The following PCDHGB2 variants were observed in gnomAD, a reference collection of about 807,000 sequenced individuals.
PCDHGB2 encodes protocadherin gamma-B2.
In PCDHGB2, 55 loss-of-function variants were observed where a neutral mutation model predicts 59.3. The observed-to-expected ratio is 0.93, with a 90% confidence interval of 0.75 to 1.16. The LOEUF is 1.16. Ranked by LOEUF, PCDHGB2 falls within the 50% of genes most tolerant of loss-of-function variation. The probability of loss-of-function intolerance (pLI) is 0.00; values close to 1 mark genes in which losing one functional copy is unlikely to be tolerated. For missense variants in PCDHGB2, 1,228 were observed against 1,198.5 expected (o/e 1.02, Z -0.36); for synonymous variants, 516 against 512.0 (o/e 1.01, Z -0.11).
chr5:141,448,851 A>T (rs1374003271), intron 1 of PCDHGB2, among the ~76,000 whole-genome samples: 1 of 152,124 alleles, frequency 6.6e-6, no homozygotes, highest in Admixed American at 6.5e-5. Context: ...AGGCTGAGGC[A>T]GGAGAATGGC....
At chr5:141,461,009 A>T (rs1407993113) in intron 1 of PCDHGB2, among the ~76,000 whole-genome samples, 1 of 151,542 alleles carries the variant, frequency 6.6e-6, no homozygotes, top group Admixed American at 6.6e-5. Flanking sequence ...GTATATATAT[A>T]TACCACATTT....
chr5:141,450,832 T>A (rs192186566), intron 1 of PCDHGB2, among the ~76,000 whole-genome samples: 5,292 of 142,276 alleles, frequency 0.037, 115 homozygotes, highest in Middle Eastern at 0.096. Flanking sequence ...TATTATTATT[T>A]TTTTTTTTTT....
At position 141,491,733 on chromosome 5, in the gene PCDHGB2, TGGGGGCGGCAC is replaced by T; in HGVS notation, c.2422-3073_2422-3063del. 1.9e-6 allele frequency: 3 copies of T among 1,602,698 alleles called. No individual in the cohort carries two copies. The highest frequency in any genetic ancestry group is 2.6e-6 in the Non-Finnish European group (3 of 1,175,258). On this transcript the variant is annotated intron_variant, in intron 1 of 3. Coordinates refer to ENST00000522605, the MANE Select transcript of PCDHGB2 (RefSeq NM_018923.3). The surrounding 1 kb of genome is among the most constrained non-coding windows in gnomAD (Gnocchi z 6.9). ...GCTCGGCGCCGCCCCGGGCGACCCC[TGGGGGCGGCAC>T]TGGAGAAGCCGCCCGTCCTCATAAG...
At chr5:141,448,990 T>C (rs1419678645) in intron 1 of PCDHGB2, among the ~76,000 whole-genome samples, 1 of 152,070 alleles carries the variant, frequency 6.6e-6, no homozygotes, top group Non-Finnish European at 1.5e-5. Flanking sequence ...TATTAATATA[T>C]AGAAAGCTGT....
At chr5:141,468,194 G>A (rs959390749) in intron 1 of PCDHGB2, among the ~76,000 whole-genome samples, 21 of 151,716 alleles carry the variant, frequency 1.4e-4, no homozygotes, top group South Asian at 2.1e-4. Flanking sequence ...GCATGGTGGC[G>A]GGTGCCTGTA....
At position 141,476,114 on chromosome 5, in the gene PCDHGB2, G is replaced by C; in HGVS notation, c.2422-18693G>C. 3.8e-6 allele frequency: 6 copies of C among 1,592,296 alleles called. No homozygotes were observed. Among genetic ancestry groups the C allele is most frequent in the Non-Finnish European group, 5.1e-6 (6 of 1,171,536 alleles). On this transcript the variant is annotated intron_variant, in intron 1 of 3. Coordinates refer to ENST00000522605, the MANE Select transcript of PCDHGB2 (RefSeq NM_018923.3). This position sits in a 1 kb window ranked among gnomAD's most constrained non-coding sequence, Gnocchi z 7.6. Reference sequence around the variant, plus strand: ...CCGCTGAGAGGAACTGCTTTTGAGTGAGATGGTCCCAGAGGCCTGGAGGAG... The same window carrying C: ...CCGCTGAGAGGAACTGCTTTTGAGTCAGATGGTCCCAGAGGCCTGGAGGAG...
At position 141,389,178 on chromosome 5, in the gene PCDHGB2, T is replaced by G. The variant is rs1280956707; in HGVS notation, c.2421+26622T>G. 2 of 1,613,974 alleles carry G rather than the reference T, an allele frequency of 1.2e-6. No individual in the cohort carries two copies. The highest frequency in any genetic ancestry group is 1.7e-6 in the Non-Finnish European group (2 of 1,179,890). ...AGATCGGGGCAAGCCTCCCCTCTCC[T>G]CCAGTTCCAGCATCACCCTGCACAT... On this transcript the variant is annotated intron_variant, in intron 1 of 3. Coordinates refer to ENST00000522605, the MANE Select transcript of PCDHGB2 (RefSeq NM_018923.3).
In PCDHGB2 at chr5:141,373,263, A is replaced by G. The variant is rs559475060; in HGVS notation, c.2421+10707A>G. Among the ~76,000 whole-genome samples, 7 of 152,368 alleles carry G rather than the reference A, an allele frequency of 4.6e-5. No homozygotes were observed. In the East Asian group the frequency reaches 1.2e-3, roughly 25 times the overall value. On this transcript the variant is annotated intron_variant, in intron 1 of 3. Coordinates refer to ENST00000522605, the MANE Select transcript of PCDHGB2 (RefSeq NM_018923.3). ...CTTCCCTTTGCATGTTTTTAAAAGT[A>G]TACACAGATGTTGCCTATGTCAGGG...
intron 1 of PCDHGB2, among the ~76,000 whole-genome samples, chr5:141,483,778 G>T (rs1012545478): frequency 1.6e-4 from 24 of 152,222 alleles, no homozygotes; most frequent in African/African-American, 5.8e-4. Context: ...ATTGGGGAAG[G>T]ATAAGAACTC....
chr5:141,360,926 T>G lies in PCDHGB2; in HGVS notation c.791T>G (p.Val264Gly), dbSNP rs1187113113. Residue 264 changes from valine to glycine, a missense_variant, in exon 1 of 4, where the codon GTG (valine) becomes GGG (glycine). Coordinates refer to ENST00000522605, the MANE Select transcript of PCDHGB2 (RefSeq NM_018923.3). ...DVPPGFFVLQVTATDRDEGIN... is the reference protein window; with the variant it reads ...DVPPGFFVLQGTATDRDEGIN... Reference sequence around the variant, plus strand: ...CCGCCGGGCTTCTTTGTGCTTCAAGTGACAGCCACCGACCGGGATGAAGGC... The same window carrying G: ...CCGCCGGGCTTCTTTGTGCTTCAAGGGACAGCCACCGACCGGGATGAAGGC... The G allele has an allele frequency of 6.2e-7, 1 of 1,613,986 alleles. No homozygotes were observed. The highest frequency in any genetic ancestry group is 8.5e-7 in the Non-Finnish European group (1 of 1,179,892).
chr5:141,497,060 G>A (rs1244885752), intron 2 of PCDHGB2, among the ~76,000 whole-genome samples: 1 of 151,952 alleles, frequency 6.6e-6, no homozygotes, highest in African/African-American at 2.4e-5. Context: ...GTGGTGGCAG[G>A]CACCTGTAAT....
At chr5:141,433,361 A>G (rs1208326325) in intron 1 of PCDHGB2, 15 of 297,508 alleles carry the variant, frequency 5.0e-5, no homozygotes, top group Non-Finnish European at 7.0e-5. Context: ...CTGTCTGCCT[A>G]TCTATCTATC....
intron 1 of PCDHGB2, chr5:141,371,085 A>T: frequency 6.2e-7 from 1 of 1,613,830 alleles, no homozygotes; most frequent in Non-Finnish European, 8.5e-7. Context: ...GATCAGGGTA[A>T]TTGTCGCAGA....
At chr5:141,390,348 A>G in intron 1 of PCDHGB2, 1 of 1,572,378 alleles carries the variant, frequency 6.4e-7, no homozygotes, top group Middle Eastern at 1.7e-4. Flanking sequence ...ACAAGAAAAT[A>G]TACATATTTG....
chr5:141,432,191 G>C lies in PCDHGB2; in HGVS notation c.2422-62616G>C. 2.5e-6 allele frequency: 4 copies of C among 1,614,110 alleles called. No individual in the cohort carries two copies. Among genetic ancestry groups the C allele is most frequent in the Non-Finnish European group, 3.4e-6 (4 of 1,180,026 alleles). On this transcript the variant is annotated intron_variant, in intron 1 of 3. Coordinates refer to ENST00000522605, the MANE Select transcript of PCDHGB2 (RefSeq NM_018923.3). The surrounding 1 kb of genome is among the most constrained non-coding windows in gnomAD (Gnocchi z 6.0). ...TTCCCTCGTCTCTGTGACCGCCCAC[G>C]ACCCCGACTGTGAAGAGAACGCCCA... is the stretch of plus-strand genomic sequence containing the variant.
intron 1 of PCDHGB2, among the ~76,000 whole-genome samples, chr5:141,464,263 T>TA (rs35224477): frequency 7.1e-4 from 74 of 103,538 alleles, no homozygotes; most frequent in East Asian, 1.9e-3. Flanking sequence ...AGACTCCGTC[T>TA]AAAAAAAAAA....
rs1251686604 is a variant in PCDHGB2 at position 141,485,257 on chromosome 5, T to C, written c.2422-9550T>C. ...TCTTTTACCACCTGGGTTACGTTTG[T>C]GGGCAGATCCGCTACCCGGTCCCAG... is the stretch of plus-strand genomic sequence containing the variant. On this transcript the variant is annotated intron_variant, in intron 1 of 3. Coordinates refer to ENST00000522605, the MANE Select transcript of PCDHGB2 (RefSeq NM_018923.3). This position sits in a 1 kb window ranked among gnomAD's most constrained non-coding sequence, Gnocchi z 5.7. The C allele has an allele frequency of 6.2e-7, 1 of 1,614,154 alleles. No homozygotes were observed.
intron 1 of PCDHGB2, among the ~76,000 whole-genome samples, chr5:141,465,683 A>G (rs2099107378): frequency 6.6e-6 from 1 of 152,236 alleles, no homozygotes; most frequent in African/African-American, 2.4e-5. Context: ...GCTCTTGACC[A>G]GTCTGCTTTT....
Position 141,381,442 on chromosome 5 carries a change from A to AC in PCDHGB2, c.2421+18887dup, listed in dbSNP as rs551572598. 7.9e-5 allele frequency among the ~76,000 whole-genome samples: 12 copies of AC among 152,360 alleles called. No individual in the cohort carries two copies. In the South Asian group the frequency reaches 2.5e-3, roughly 32 times the overall value. The stretch of plus-strand genomic sequence containing the variant: ...GAGTACCTCTAAGGATCCTGTCAGG[A>AC]CAGTCCTGCATTTTGCTCAAATGCT... On this transcript the variant is annotated intron_variant, in intron 1 of 3. Transcript: ENST00000522605.
Sources: allele counts gnomAD v4.1 joint callset (sites outside exome capture counted in the v4.1 genomes callset), GRCh38; gene constraint gnomAD v4.1.1; non-coding constraint Gnocchi (gnomAD v3.1); transcripts MANE v1.5; gene names NCBI Gene and HGNC (gene_info 2026-07-23, HGNC 2026-07-21).